Variants in PAQR8 observed in about 807,000 individuals in gnomAD.
PAQR8 encodes membrane progestin receptor beta.
PAQR8 carries 17 observed loss-of-function variants against 25.2 expected under a neutral mutation model. That is an observed-to-expected ratio of 0.67 (90% CI 0.46 to 1.01). The LOEUF is 1.01. Ranked by LOEUF, PAQR8 falls within the 50% of genes least tolerant of loss-of-function variation. PAQR8 has a pLI of 0.00. For missense variants in PAQR8, 392 were observed against 448.4 expected (o/e 0.87, Z 1.14); for synonymous variants, 204 against 190.6 (o/e 1.07, Z -0.58).
intron 1 of PAQR8, among the ~76,000 whole-genome samples, chr6:52,384,937 G>T (rs1019407863): frequency 1.3e-5 from 2 of 152,184 alleles, no homozygotes; most frequent in African/African-American, 2.4e-5. Context: ...TCAATAAATG[G>T]TGCTGGGAAA....
intron 1 of PAQR8, among the ~76,000 whole-genome samples, chr6:52,375,356 A>G (rs1002982361): frequency 7.9e-5 from 12 of 152,192 alleles, no homozygotes; most frequent in African/African-American, 2.7e-4. Flanking sequence ...TAAGTAGTCT[A>G]TAAAGCCCTT....
At chr6:52,388,849 C>A (rs1227757916) in intron 1 of PAQR8, among the ~76,000 whole-genome samples, 1 of 152,188 alleles carries the variant, frequency 6.6e-6, no homozygotes, top group African/African-American at 2.4e-5. Flanking sequence ...GGGGTTATAT[C>A]TGAGCCTGAA....
intron 1 of PAQR8, among the ~76,000 whole-genome samples, chr6:52,372,636 A>G (rs1302863411): frequency 1.3e-5 from 2 of 151,806 alleles, no homozygotes. Context: ...ACTTTCTGTT[A>G]TTGAAATTTC....
intron 1 of PAQR8, among the ~76,000 whole-genome samples, chr6:52,373,999 C>CA (rs1201759108): frequency 6.6e-6 from 1 of 152,112 alleles, no homozygotes; most frequent in Non-Finnish European, 1.5e-5. Context: ...TGATGGTTCT[C>CA]ATGAGATCTG....
In PAQR8 at chr6:52,378,184, G is replaced by A. The variant is rs189036758; in HGVS notation, c.-53+15935G>A. ...ACATGCAATGACCTTAGAACCATGT[G>A]TAGTAGAGAGTAAGTGCTCAATATA... is the stretch of plus-strand genomic sequence containing the variant. On this transcript the variant is annotated intron_variant, in intron 1 of 1. Coordinates refer to ENST00000442253, the MANE Select transcript of PAQR8 (RefSeq NM_133367.5). Among the ~76,000 whole-genome samples the A allele has an allele frequency of 1.4e-4, 21 of 152,358 alleles. No individual in the cohort carries two copies. The East Asian group carries it at 2.7e-3, about 20-fold the overall frequency.
At chr6:52,388,907 T>G (rs975466827) in intron 1 of PAQR8, among the ~76,000 whole-genome samples, 1 of 152,196 alleles carries the variant, frequency 6.6e-6, no homozygotes, top group Non-Finnish European at 1.5e-5. Flanking sequence ...TACAATAACA[T>G]TGGCGATGTC....
At chr6:52,388,429 A>G (rs924459904) in intron 1 of PAQR8, among the ~76,000 whole-genome samples, 3 of 152,040 alleles carry the variant, frequency 2.0e-5, no homozygotes, top group African/African-American at 7.2e-5. Context: ...TCATGAAACC[A>G]TACTCCTCAA....
chr6:52,396,890 T>C (rs1408316255), intron 1 of PAQR8, among the ~76,000 whole-genome samples: 1 of 152,180 alleles, frequency 6.6e-6, no homozygotes, highest in East Asian at 1.9e-4. Flanking sequence ...ATATTTTAAT[T>C]CAAACCTCAG....
chr6:52,368,698 GT>G (rs1185972067), intron 1 of PAQR8, among the ~76,000 whole-genome samples: 1 of 152,076 alleles, frequency 6.6e-6, no homozygotes, highest in Admixed American at 6.5e-5. Flanking sequence ...TTTCAAAGTA[GT>G]TTTATATATC....
intron 1 of PAQR8, among the ~76,000 whole-genome samples, chr6:52,365,512 G>A (rs1216693497): frequency 1.3e-5 from 2 of 152,106 alleles, no homozygotes; most frequent in East Asian, 1.9e-4. Flanking sequence ...GAACACTTGA[G>A]TTCGGTGCCG....
intron 1 of PAQR8, among the ~76,000 whole-genome samples, chr6:52,374,935 TATA>T (rs1260941915): frequency 6.7e-6 from 1 of 149,176 alleles, no homozygotes; most frequent in Non-Finnish European, 1.5e-5. Context: ...TAATAATTAA[TATA>T]ATATTATATT....
intron 1 of PAQR8, among the ~76,000 whole-genome samples, chr6:52,374,412 G>A (rs559596797): frequency 3.2e-4 from 48 of 151,632 alleles, no homozygotes; most frequent in Admixed American, 6.6e-4. Context: ...GTTTTGTTTC[G>A]TTTCTTTCAT....
At chr6:52,379,788 G>A (rs920671754) in intron 1 of PAQR8, among the ~76,000 whole-genome samples, 8 of 152,050 alleles carry the variant, frequency 5.3e-5, no homozygotes, top group Admixed American at 2.0e-4. Context: ...TACCGCGCCC[G>A]GCTAATTTTT....
intron 1 of PAQR8, among the ~76,000 whole-genome samples, chr6:52,397,040 G>A (rs182980244): frequency 4.1e-4 from 63 of 152,278 alleles, no homozygotes; most frequent in Non-Finnish European, 5.9e-4. Context: ...GGGATGGTGG[G>A]AGAAGAAAGC....
At chr6:52,373,395 A>C (rs935612926) in intron 1 of PAQR8, among the ~76,000 whole-genome samples, 1 of 152,344 alleles carries the variant, frequency 6.6e-6, no homozygotes, top group Admixed American at 6.5e-5. Flanking sequence ...GGGAACTAAA[A>C]GGTTTCTTTT....
chr6:52,393,243 GT>G (rs1483802589), intron 1 of PAQR8, among the ~76,000 whole-genome samples: 1 of 150,648 alleles, frequency 6.6e-6, no homozygotes, highest in Non-Finnish European at 1.5e-5. Context: ...GTTTAAATAA[GT>G]TAATATTTTC....
intron 1 of PAQR8, among the ~76,000 whole-genome samples, chr6:52,368,359 C>T (rs1268600513): frequency 6.6e-6 from 1 of 152,178 alleles, no homozygotes; most frequent in Non-Finnish European, 1.5e-5. Context: ...TATTGATGCC[C>T]TAGCCCCACC....
In PAQR8 at chr6:52,369,618, G is replaced by T. The variant is rs73740356; in HGVS notation, c.-53+7369G>T. Reference sequence around the variant, plus strand: ...GGACATAAAATATACATACTCTGCTGAATAATGTCTATGGATCATAATTTT... The same window carrying T: ...GGACATAAAATATACATACTCTGCTTAATAATGTCTATGGATCATAATTTT... On this transcript the variant is annotated intron_variant, in intron 1 of 1. Coordinates refer to ENST00000442253, the MANE Select transcript of PAQR8 (RefSeq NM_133367.5). 6.7e-3 allele frequency among the ~76,000 whole-genome samples: 1,026 copies of T among 152,286 alleles called. 15 individuals carry two copies. Among genetic ancestry groups the T allele is most frequent in the African/African-American group, 0.023 (958 of 41,538 alleles).
At chr6:52,382,803 A>AT (rs998643112) in intron 1 of PAQR8, among the ~76,000 whole-genome samples, 5 of 151,166 alleles carry the variant, frequency 3.3e-5, no homozygotes, top group African/African-American at 7.3e-5. Context: ...AGTTGAATCC[A>AT]TTTTTTTTTA....
Sources: allele counts gnomAD v4.1 joint callset (sites outside exome capture counted in the v4.1 genomes callset), GRCh38; gene constraint gnomAD v4.1.1; transcripts MANE v1.5; gene names NCBI Gene and HGNC (gene_info 2026-07-23, HGNC 2026-07-21).